The following TSHZ3 variants were observed in gnomAD, a reference collection of about 807,000 sequenced individuals.
TSHZ3 encodes the protein teashirt zinc finger homeobox 3.
TSHZ3 carries 10 observed loss-of-function variants against 64.5 expected under a neutral mutation model. The observed-to-expected ratio is 0.16, with a 90% confidence interval of 0.10 to 0.26. TSHZ3 has a LOEUF of 0.26. TSHZ3 is among the 10% of genes least tolerant of loss of function. The probability of loss-of-function intolerance (pLI) is 1.00; values close to 1 mark genes in which losing one functional copy is unlikely to be tolerated. For synonymous variants in TSHZ3, 608 were observed against 593.1 expected, an observed-to-expected ratio of 1.03 and a Z score of -0.36; for missense variants, 1,242 against 1,421.7, an observed-to-expected ratio of 0.87 and a Z score of 2.03.
At chr19:31,328,368 C>T (rs963679056) in intron 1 of TSHZ3, among the ~76,000 whole-genome samples, 7 of 152,214 alleles carry the variant, frequency 4.6e-5, no homozygotes, top group Non-Finnish European at 7.3e-5. Flanking sequence ...GCGGGGACTG[C>T]GGGCCACGTT....
At chr19:31,350,769 G>A (rs2021698271), upstream of TSHZ3, among the ~76,000 whole-genome samples, 1 of 149,078 alleles carries the variant, frequency 6.7e-6, no homozygotes, top group African/African-American at 2.4e-5. Context: ...GGCGACCCCC[G>A]GGCGGCGGCG....
At chr19:31,231,860 T>C (rs1463585954) in intron 3 of TSHZ3, among the ~76,000 whole-genome samples, 1 of 152,170 alleles carries the variant, frequency 6.6e-6, no homozygotes, top group Non-Finnish European at 1.5e-5. Context: ...ACCTGACTGA[T>C]TTATATCACC....
intron 1 of TSHZ3, among the ~76,000 whole-genome samples, chr19:31,327,366 T>C (rs1218385971): frequency 6.6e-6 from 1 of 152,234 alleles, no homozygotes; most frequent in African/African-American, 2.4e-5. Flanking sequence ...AAATAGATTT[T>C]AAAAATTGAG....
At chr19:31,156,259 G>T (rs560467378) in intron 6 of TSHZ3, among the ~76,000 whole-genome samples, 2 of 152,180 alleles carry the variant, frequency 1.3e-5, no homozygotes, top group Non-Finnish European at 2.9e-5. Flanking sequence ...CACGTAATAG[G>T]TATTCAATAA....
intron 1 of TSHZ3, among the ~76,000 whole-genome samples, chr19:31,286,708 G>A (rs1976470510): frequency 1.3e-5 from 2 of 152,192 alleles, no homozygotes; most frequent in Admixed American, 1.3e-4. Context: ...GGAGCGCCCT[G>A]TCCCCGGAAT....
At chr19:31,308,413 T>C (rs1916358063) in intron 1 of TSHZ3, 3 of 378,694 alleles carry the variant, frequency 7.9e-6, no homozygotes, top group Non-Finnish European at 1.4e-5. Flanking sequence ...GCTGGAACAT[T>C]CCCCCGACAG....
rs1440257071 is a variant in TSHZ3 at position 31,279,921 on chromosome 19, A to G, written c.41-169T>C. Among the ~76,000 whole-genome samples, 2 of 151,020 alleles carry G rather than the reference A, an allele frequency of 1.3e-5. No homozygotes were observed. Among genetic ancestry groups the G allele is most frequent in the Non-Finnish European group, 2.9e-5 (2 of 67,906 alleles). Reference sequence around the variant, plus strand: ...CCAGATGGGTACATGTATTTGTAAAATTAAACAGTTAAAATGTGGTGTTTC... The same window carrying G: ...CCAGATGGGTACATGTATTTGTAAAGTTAAACAGTTAAAATGTGGTGTTTC... On this transcript the variant is annotated intron_variant, in intron 1 of 1. Transcript: ENST00000240587. The surrounding 1 kb of genome is among the most constrained non-coding windows in gnomAD (Gnocchi z 6.4).
At chr19:31,325,776 C>T (rs1260438707) in intron 1 of TSHZ3, among the ~76,000 whole-genome samples, 1 of 152,122 alleles carries the variant, frequency 6.6e-6, no homozygotes, top group Admixed American at 6.5e-5. Flanking sequence ...AGACTAGAAG[C>T]AACCAGAATG....
At chr19:31,327,523 T>C (rs1330530917) in intron 1 of TSHZ3, among the ~76,000 whole-genome samples, 1 of 152,240 alleles carries the variant, frequency 6.6e-6, no homozygotes, top group Admixed American at 6.5e-5. Context: ...AAAACATGCA[T>C]ATAAGGCTAG....
At chr19:31,260,366 G>C (rs1013333520) in intron 1 of TSHZ3, among the ~76,000 whole-genome samples, 1 of 152,134 alleles carries the variant, frequency 6.6e-6, no homozygotes, top group Admixed American at 6.5e-5. Flanking sequence ...ACTACATAAA[G>C]TGTACTTTGG....
chr19:31,250,875 G>A (rs977206052), intron 1 of TSHZ3, among the ~76,000 whole-genome samples: 1 of 152,168 alleles, frequency 6.6e-6, no homozygotes, highest in Non-Finnish European at 1.5e-5. Context: ...CAGTAGGCTG[G>A]GGCAGTATCT....
At position 31,250,710 on chromosome 19, in the gene TSHZ3, G is replaced by A. The variant is rs536763214; in HGVS notation, n.64-7835C>T. On this transcript the variant is annotated intron_variant and non_coding_transcript_variant, in intron 1 of 6. Transcript: ENST00000651361. ...ATGTGTCAGTTCATTTGCAGAAGCCGGCTGGCGCTGTCATCTCATCTGTGA... is the reference window on the plus strand; with the variant it reads ...ATGTGTCAGTTCATTTGCAGAAGCCAGCTGGCGCTGTCATCTCATCTGTGA... Among the ~76,000 whole-genome samples, 14 of 152,286 alleles carry A rather than the reference G, an allele frequency of 9.2e-5. 1 individual carries two copies. Among genetic ancestry groups the A allele is most frequent in the African/African-American group, 2.6e-4 (11 of 41,560 alleles).
intron 1 of TSHZ3, among the ~76,000 whole-genome samples, chr19:31,249,266 C>T (rs1385101498): frequency 1.3e-5 from 2 of 152,174 alleles, no homozygotes; most frequent in Non-Finnish European, 2.9e-5. Flanking sequence ...GTAGGAAAAG[C>T]TAGGTGTCCG....
At position 31,327,741 on chromosome 19, in the gene TSHZ3, T is replaced by C. The variant is rs73927349; in HGVS notation, c.40+21439A>G. 9.7e-3 allele frequency among the ~76,000 whole-genome samples: 1,474 copies of C among 152,306 alleles called. 21 individuals carry two copies. The highest frequency in any genetic ancestry group is 0.033 in the African/African-American group (1,360 of 41,548). ...AATAATATGATAGTATGAAGGCAATTTGTATCTTACCACATATTGAAATAA... is the reference window on the plus strand; with the variant it reads ...AATAATATGATAGTATGAAGGCAATCTGTATCTTACCACATATTGAAATAA... On this transcript the variant is annotated intron_variant, in intron 1 of 1. Transcript: ENST00000240587.
intron 5 of TSHZ3, among the ~76,000 whole-genome samples, chr19:31,204,478 G>T (rs1975136440): frequency 1.3e-5 from 2 of 151,904 alleles, no homozygotes; most frequent in African/African-American, 4.8e-5. Context: ...GACAAATGCA[G>T]AGTTAAAATT....
intron 1 of TSHZ3, among the ~76,000 whole-genome samples, chr19:31,312,710 A>G (rs915961942): frequency 1.3e-5 from 2 of 152,162 alleles, no homozygotes; most frequent in African/African-American, 2.4e-5. Context: ...TTCATCTTGA[A>G]TCACACGGTA....
intron 1 of TSHZ3, among the ~76,000 whole-genome samples, chr19:31,306,183 A>T (rs2145148528): frequency 6.6e-6 from 1 of 152,302 alleles, no homozygotes; most frequent in South Asian, 2.1e-4. Flanking sequence ...GGCCTTGCAT[A>T]TGCAGCCTGT....
intron 4 of TSHZ3, among the ~76,000 whole-genome samples, chr19:31,206,171 C>A (rs986077945): frequency 1.4e-5 from 2 of 145,104 alleles, no homozygotes. Context: ...ATGGATAGAT[C>A]GATGAGTGGA....
At chr19:31,330,032 G>A (rs1305302922) in intron 1 of TSHZ3, among the ~76,000 whole-genome samples, 1 of 151,968 alleles carries the variant, frequency 6.6e-6, no homozygotes, top group Non-Finnish European at 1.5e-5. Flanking sequence ...CCTAGGATAT[G>A]AGTAATCATA....
Sources: gnomAD v4.1 joint callset for allele counts (sites outside exome capture counted in the v4.1 genomes callset) on GRCh38, gnomAD v4.1.1 for gene constraint, Gnocchi (gnomAD v3.1) non-coding constraint, MANE v1.5 for transcripts, NCBI Gene and HGNC (gene_info 2026-07-23, HGNC 2026-07-21) for gene names.